Variants in NFATC1 observed in about 807,000 individuals in gnomAD.
NFATC1 encodes the protein nuclear factor of activated T cells 1, also known as nuclear factor of activated T-cells, cytoplasmic 1.
A neutral mutation model predicts 76.0 loss-of-function variants in NFATC1; 22 were observed. That is an observed-to-expected ratio of 0.29 (90% CI 0.21 to 0.41). The LOEUF (loss-of-function observed/expected upper bound fraction) is 0.41, where lower values mean the gene tolerates loss of function less well. Among genes scored for constraint, NFATC1 ranks in the 10% least tolerant of loss-of-function variants. The pLI is 1.00. For missense variants in NFATC1, 1,357 were observed against 1,337.7 expected (o/e 1.01, Z -0.23); for synonymous variants, 704 against 613.1 (o/e 1.15, Z -2.19).
chr18:79,402,247 G>A (rs945641014), intron 1 of NFATC1: 2 of 773,376 alleles, frequency 2.6e-6, no homozygotes, highest in Admixed American at 1.2e-4. Context: ...GCCCCTCGAG[G>A]CCTAGTCTCA....
chr18:79,437,707 G>T (rs918833808), intron 3 of NFATC1, among the ~76,000 whole-genome samples: 3 of 152,208 alleles, frequency 2.0e-5, no homozygotes, highest in African/African-American at 4.8e-5. Context: ...TGCCCTGACG[G>T]CAGGCTCTGC....
chr18:79,410,869 G>A lies in NFATC1; in HGVS notation c.594G>A (p.Ala198=), dbSNP rs747453321. 4.8e-5 allele frequency: 78 copies of A among 1,609,296 alleles called. 4 individuals carry two copies. The highest frequency in any genetic ancestry group is 1.1e-5 in the South Asian group (1 of 90,684). ...SYESNYSYPY[A]SPQTSPWQSP... Reference sequence around the variant, plus strand: ...AGTCCAACTACTCGTACCCGTACGCGTCCCCCCAGACGTCGCCATGGCAGT... The same window carrying A: ...AGTCCAACTACTCGTACCCGTACGCATCCCCCCAGACGTCGCCATGGCAGT... Residue 198 remains alanine, a synonymous_variant, in exon 2 of 10, where the codon GCG becomes GCA. Coordinates refer to ENST00000427363, the MANE Select transcript of NFATC1 (RefSeq NM_001278669.2). The surrounding 1 kb of genome is among the most constrained non-coding windows in gnomAD (Gnocchi z 6.7).
chr18:79,457,812 T>C (rs2144833350), intron 6 of NFATC1, among the ~76,000 whole-genome samples: 1 of 152,288 alleles, frequency 6.6e-6, no homozygotes, highest in East Asian at 1.9e-4. Flanking sequence ...AACCCCATCC[T>C]GCCGGCTGTG....
intron 1 of NFATC1, chr18:79,400,206 G>T: frequency 8.4e-7 from 1 of 1,184,834 alleles, no homozygotes; most frequent in Non-Finnish European, 1.0e-6. Flanking sequence ...TTTAAAACTC[G>T]GAAGCCGGCG....
chr18:79,464,702 A>ATATATATATAT (rs1425452711), intron 7 of NFATC1, among the ~76,000 whole-genome samples: 11 of 69,310 alleles, frequency 1.6e-4, no homozygotes, highest in Non-Finnish European at 3.1e-4. Context: ...ATATTTATTT[A>ATATATATATAT]TTTATTTATT....
At position 79,410,568 on chromosome 18, in the gene NFATC1, C is replaced by T. The variant is rs373889524; in HGVS notation, c.293C>T (p.Ala98Val). Reference protein sequence around the residue: ...GYGAALDGGPAGYFLSSGHTR... With the variant: ...GYGAALDGGPVGYFLSSGHTR... Reference sequence around the variant, plus strand: ...GGAGCAGCTTTGGACGGTGGGCCCGCGGGCTACTTCCTCTCCTCCGGCCAC... The same window carrying T: ...GGAGCAGCTTTGGACGGTGGGCCCGTGGGCTACTTCCTCTCCTCCGGCCAC... Residue 98 changes from alanine (A) to valine (V), a missense_variant, in exon 2 of 10, where the codon GCG becomes GTG. Physicochemically the swap from Ala to Val is moderately conservative, Grantham distance 64. Around this residue, in one of 3 missense-constraint regions of NFATC1, gnomAD observed 691 missense variants for 613.1 expected, o/e 1.13. Coordinates refer to ENST00000427363, the MANE Select transcript of NFATC1 (RefSeq NM_001278669.2). The surrounding 1 kb of genome is among the most constrained non-coding windows in gnomAD (Gnocchi z 6.7). 1.2e-5 allele frequency: 20 copies of T among 1,611,754 alleles called. No homozygotes were observed. In the East Asian group the frequency reaches 1.3e-4, roughly 11 times the overall value.
chr18:79,426,249 T>A (rs74914063), intron 2 of NFATC1, among the ~76,000 whole-genome samples: 1 of 148,862 alleles, frequency 6.7e-6, no homozygotes, highest in Non-Finnish European at 1.5e-5. Flanking sequence ...TTTTTTTTTT[T>A]CCTCCCCCTC....
intron 2 of NFATC1, among the ~76,000 whole-genome samples, chr18:79,432,842 A>G (rs2144662792): frequency 6.7e-6 from 1 of 149,302 alleles, no homozygotes. Flanking sequence ...AGCCTTTCAC[A>G]CCAAACATTC....
intron 9 of NFATC1, among the ~76,000 whole-genome samples, chr18:79,492,491 C>T (rs1050097747): frequency 1.3e-5 from 2 of 152,072 alleles, no homozygotes; most frequent in South Asian, 2.1e-4. Flanking sequence ...GGGTGGATCA[C>T]GAGGCCAGAA....
intron 8 of NFATC1, chr18:79,469,491 G>C: frequency 1.0e-6 from 1 of 985,446 alleles, no homozygotes. Context: ...AGCCGCTCCT[G>C]CTACCTCCAG....
chr18:79,451,023 C>A lies in NFATC1; in HGVS notation c.1659C>A (p.Ile553=). 1 of 1,613,844 alleles carries A rather than the reference C, an allele frequency of 6.2e-7. No homozygotes were observed. The highest frequency in any genetic ancestry group is 8.5e-7 in the Non-Finnish European group (1 of 1,180,000). The change falls in exon 5 of 10, where the codon ATC becomes ATA. Residue 553 remains isoleucine, a synonymous_variant. Coordinates refer to ENST00000427363, the MANE Select transcript of NFATC1 (RefSeq NM_001278669.2). ...AACTTCGGAAAGGAGAGACGGACAT[C>A]GGGAGGAAGAACACACGGGTACGGC... ...DIELRKGETD[I]GRKNTRVRLV... is the part of the protein sequence containing the mutation.
intron 2 of NFATC1, among the ~76,000 whole-genome samples, chr18:79,412,712 T>C (rs2085739017): frequency 6.6e-6 from 1 of 152,176 alleles, no homozygotes; most frequent in Admixed American, 6.5e-5. Flanking sequence ...TCTGAAGGCT[T>C]GTGGCAAAGA....
intron 8 of NFATC1, among the ~76,000 whole-genome samples, chr18:79,474,995 T>G (rs1365856616): frequency 7.3e-6 from 1 of 137,780 alleles, no homozygotes; most frequent in East Asian, 2.4e-4. Flanking sequence ...AAGCGTGTTC[T>G]CACGCTCGCT....
At chr18:79,411,640 C>T (rs1031523561) in intron 2 of NFATC1, 139 bp downstream of exon 2, 3 of 602,858 alleles carry the variant, frequency 5.0e-6, no homozygotes, top group African/African-American at 2.0e-5. Context: ...CAGGTGGGCT[C>T]CTCGTGGAGC....
intron 6 of NFATC1, among the ~76,000 whole-genome samples, chr18:79,455,178 G>A (rs182595567): frequency 7.2e-5 from 11 of 152,334 alleles, no homozygotes; most frequent in African/African-American, 2.6e-4. Context: ...GTCTGTTCTG[G>A]TGCCGTTTTT....
intron 1 of NFATC1, among the ~76,000 whole-genome samples, chr18:79,408,628 C>G (rs149312112): frequency 2.6e-4 from 40 of 152,338 alleles, no homozygotes; most frequent in African/African-American, 9.4e-4. Context: ...GAGGAGTTTT[C>G]TTTGTAGCTG....
At chr18:79,400,274 GGGGA>G in intron 1 of NFATC1, 5 of 1,108,794 alleles carry the variant, frequency 4.5e-6, no homozygotes, top group South Asian at 3.3e-5. Context: ...GGGGCGGGGC[GGGGA>G]CGGGGGGAGG....
chr18:79,479,374 GC>G (rs199821546), intron 8 of NFATC1, among the ~76,000 whole-genome samples: 7 of 150,774 alleles, frequency 4.6e-5, no homozygotes, highest in African/African-American at 1.2e-4. Context: ...GGCCTGTGCG[GC>G]CCCCCTCCAC....
At chr18:79,403,292 C>T (rs1251430347) in intron 1 of NFATC1, among the ~76,000 whole-genome samples, 1 of 152,256 alleles carries the variant, frequency 6.6e-6, no homozygotes, top group Non-Finnish European at 1.5e-5. Flanking sequence ...TCAGCAGGTG[C>T]AAAGAATAGA....
Sources: allele counts gnomAD v4.1 joint callset (sites outside exome capture counted in the v4.1 genomes callset), GRCh38; gene constraint gnomAD v4.1.1; regional missense constraint gnomAD v4.1.1; non-coding constraint Gnocchi (gnomAD v3.1); transcripts MANE v1.5; gene names NCBI Gene and HGNC (gene_info 2026-07-23, HGNC 2026-07-21).